SYNE3: variants seen among roughly 807,000 people sequenced by gnomAD.
SYNE3 encodes the protein nesprin-3.
In SYNE3, 100 loss-of-function variants were observed where a neutral mutation model predicts 111.2. That is an observed-to-expected ratio of 0.90 (90% CI 0.77 to 1.06). The LOEUF (loss-of-function observed/expected upper bound fraction) is 1.06. SYNE3 is among the 50% of genes least tolerant of loss of function. The probability of loss-of-function intolerance (pLI) is 0.00; values close to 1 mark genes in which losing one functional copy is unlikely to be tolerated. For missense variants in SYNE3, 1,160 were observed against 1,240.3 expected (o/e 0.94, Z 0.97); for synonymous variants, 547 against 533.9 (o/e 1.02, Z -0.34).
rs1251214245 is a variant in SYNE3, at chr14:95,410,850, C to T, written c.*6976G>A. On this transcript the variant is annotated 3_prime_UTR_variant, in exon 18 of 18. Coordinates refer to ENST00000682763, the MANE Select transcript of SYNE3 (RefSeq NM_152592.6). ...CTAATATTTCAGGGAGCACTGAACG[C>T]TCCAGGGCTGACTTCCCTCCTTACC... 1 of 152,220 alleles carries T rather than the reference C, an allele frequency of 6.6e-6. No homozygotes were observed. Among genetic ancestry groups the T allele is most frequent in the Non-Finnish European group, 1.5e-5 (1 of 68,048 alleles). The allele number at this position is 152,220 out of a possible 1,614,324, so 9.4% of individuals were successfully genotyped here.
intron 17 of SYNE3, among the ~76,000 whole-genome samples, chr14:95,431,314 G>A (rs1885749517): frequency 6.6e-6 from 1 of 152,182 alleles, no homozygotes; most frequent in African/African-American, 2.4e-5. Context: ...CTGAGGGGCT[G>A]AGGCCTTCCT....
At chr14:95,493,566 T>C (rs1466039801) in intron 1 of SYNE3, among the ~76,000 whole-genome samples, 1 of 152,196 alleles carries the variant, frequency 6.6e-6, no homozygotes. Flanking sequence ...GACATGAAAT[T>C]TTTGAATCAA....
At chr14:95,516,019 C>T (rs1408828419) in intron 1 of SYNE3, 1 of 152,326 alleles carries the variant, frequency 6.6e-6, no homozygotes, top group African/African-American at 2.4e-5. Flanking sequence ...CTGCCCTCCC[C>T]TTTAGAAATG....
At chr14:95,514,849 G>A (rs1185337982) in intron 1 of SYNE3, among the ~76,000 whole-genome samples, 2 of 152,202 alleles carry the variant, frequency 1.3e-5, no homozygotes, top group African/African-American at 4.8e-5. Flanking sequence ...GCCTCCCGGG[G>A]CCGCCAAGCC....
chr14:95,414,260 A>G lies in SYNE3; in HGVS notation c.*3566T>C, dbSNP rs1027507693. On this transcript the variant is annotated 3_prime_UTR_variant, in exon 18 of 18. Transcript: ENST00000682763. The stretch of plus-strand genomic sequence containing the variant: ...CACTTCAGCATGAGCAAGGGTCTTT[A>G]TATCTTTAAGCCTCAGGGTTCCATC... 1 of 152,158 alleles carries G rather than the reference A, an allele frequency of 6.6e-6. No homozygotes were observed. The highest frequency in any genetic ancestry group is 2.4e-5 in the African/African-American group (1 of 41,416). 9.4% of individuals were successfully genotyped at this position (152,158 alleles called of 1,614,324 possible). A position where few individuals can be genotyped will look rare whatever the true frequency, so the allele number is the denominator to read the frequency against.
At position 95,500,889 on chromosome 14, in the gene SYNE3, G is replaced by C. The variant is rs181830484; in HGVS notation, c.-15+15707C>G. 2.0e-5 allele frequency among the ~76,000 whole-genome samples: 3 copies of C among 152,156 alleles called. No individual in the cohort carries two copies. Among genetic ancestry groups the C allele is most frequent in the Admixed American group, 1.3e-4 (2 of 15,284 alleles). On this transcript the variant is annotated intron_variant, in intron 1 of 17. Transcript: ENST00000682763. The surrounding 1 kb of genome is among the most constrained non-coding windows in gnomAD (Gnocchi z 4.7). ...AGTGGGGGATCGGGGGCGGTGAAGC[G>C]GGAGGGACACACGCTTGCTTCCCAC...
At chr14:95,421,004 T>A (rs146054136) in intron 17 of SYNE3, among the ~76,000 whole-genome samples, 5 of 152,152 alleles carry the variant, frequency 3.3e-5, no homozygotes, top group Non-Finnish European at 5.9e-5. Context: ...TCTCGCAAGA[T>A]CTGATGGTTT....
chr14:95,512,230 C>G (rs953010331), intron 1 of SYNE3, among the ~76,000 whole-genome samples: 6 of 151,970 alleles, frequency 3.9e-5, no homozygotes, highest in Non-Finnish European at 8.8e-5. Context: ...TTAAATCCAG[C>G]CAGATTAACA....
Position 95,417,776 on chromosome 14 carries a change from C to A in SYNE3, c.*50G>T. ...CTGGCGAGCATCCTCAGGAGGGGCCCTGGGACTGATGGAGGTTGGAGGAGA... is the reference window on the plus strand; with the variant it reads ...CTGGCGAGCATCCTCAGGAGGGGCCATGGGACTGATGGAGGTTGGAGGAGA... On this transcript the variant is annotated 3_prime_UTR_variant, in exon 18 of 18. Coordinates refer to ENST00000682763, the MANE Select transcript of SYNE3 (RefSeq NM_152592.6). 3.1e-6 allele frequency: 5 copies of A among 1,600,918 alleles called. No individual in the cohort carries two copies. Among genetic ancestry groups the A allele is most frequent in the Middle Eastern group, 1.7e-4 (1 of 6,038 alleles).
intron 1 of SYNE3, among the ~76,000 whole-genome samples, chr14:95,513,709 T>C (rs570117014): frequency 3.1e-4 from 44 of 143,316 alleles, no homozygotes; most frequent in African/African-American, 8.7e-4. Flanking sequence ...TGGGTTCCTA[T>C]CTTTGTGGTC....
rs138041664 is a variant in SYNE3, at chr14:95,422,371, A to G, written c.2728-4345T>C. 4.6e-4 allele frequency among the ~76,000 whole-genome samples: 70 copies of G among 152,212 alleles called. 1 individual carries two copies. The East Asian group carries it at 0.011, about 24-fold the overall frequency. On this transcript the variant is annotated intron_variant, in intron 17 of 17. Transcript: ENST00000682763. The stretch of plus-strand genomic sequence containing the variant: ...AGGCCGACTTTCCTATGCTCATTTT[A>G]CAGAGGAAGAAACTGAGTCTGGGAG...
At chr14:95,493,986 A>G (rs904136943) in intron 1 of SYNE3, among the ~76,000 whole-genome samples, 1 of 152,164 alleles carries the variant, frequency 6.6e-6, no homozygotes, top group African/African-American at 2.4e-5. Flanking sequence ...CCTGCCCAAG[A>G]TTCCAGAGAT....
intron 4 of SYNE3, among the ~76,000 whole-genome samples, chr14:95,462,649 G>A: frequency 6.6e-6 from 1 of 152,196 alleles, no homozygotes; most frequent in South Asian, 2.1e-4. Flanking sequence ...GGATGCAAGG[G>A]CTCCCTCTTC....
At position 95,455,626 on chromosome 14, in the gene SYNE3, C is replaced by T. The variant is rs1297804486; in HGVS notation, c.888G>A (p.Glu296=). 1.2e-6 allele frequency: 2 copies of T among 1,614,108 alleles called. No individual in the cohort carries two copies. Among genetic ancestry groups the T allele is most frequent in the Non-Finnish European group, 1.7e-6 (2 of 1,180,044 alleles). ...TCTCTTCCAGTTCTCCGGTGATCTTCTCTGCACCCAAAGGAGAGGTGTTCC... is the reference window on the plus strand; with the variant it reads ...TCTCTTCCAGTTCTCCGGTGATCTTTTCTGCACCCAAAGGAGAGGTGTTCC... ...VIRNTSPLGA[E]KITGELEEMR... is the part of the protein sequence containing the mutation. The change falls in exon 6 of 18, where the codon GAG becomes GAA. Residue 296 remains glutamate (E), a synonymous_variant. Coordinates refer to ENST00000682763, the MANE Select transcript of SYNE3 (RefSeq NM_152592.6).
chr14:95,490,596 T>C (rs573721054), intron 1 of SYNE3, among the ~76,000 whole-genome samples: 1 of 152,352 alleles, frequency 6.6e-6, no homozygotes, highest in South Asian at 2.1e-4. Context: ...ATACTGAGCT[T>C]GTAGACAAGT....
intron 1 of SYNE3, among the ~76,000 whole-genome samples, chr14:95,491,243 C>T (rs534572967): frequency 3.4e-4 from 51 of 152,130 alleles, no homozygotes; most frequent in African/African-American, 1.1e-3. Flanking sequence ...ACTTGTCCTT[C>T]GGAATTCTCT....
chr14:95,426,939 A>G (rs4905301), intron 17 of SYNE3, among the ~76,000 whole-genome samples: 76,586 of 131,854 alleles, frequency 0.58, 23,701 homozygotes, highest in Non-Finnish European at 0.67. Flanking sequence ...GCAAGACTCC[A>G]TCTCAAAAAA....
At chr14:95,460,864 G>A (rs45534838) in intron 4 of SYNE3, among the ~76,000 whole-genome samples, 5,164 of 152,304 alleles carry the variant, frequency 0.034, 288 homozygotes, top group African/African-American at 0.11. Flanking sequence ...AGATGCAGCC[G>A]GGAGTGAACT....
intron 4 of SYNE3, among the ~76,000 whole-genome samples, chr14:95,458,973 C>T (rs910788): frequency 0.59 from 89,239 of 152,068 alleles, 26,643 homozygotes; most frequent in African/African-American, 0.69. Context: ...CAGACTGGAG[C>T]TGGGACATTG....
Sources: gnomAD v4.1 joint callset for allele counts (sites outside exome capture counted in the v4.1 genomes callset) on GRCh38, gnomAD v4.1.1 for gene constraint, Gnocchi (gnomAD v3.1) non-coding constraint, MANE v1.5 for transcripts, NCBI Gene and HGNC (gene_info 2026-07-23, HGNC 2026-07-21) for gene names.